The following CCDC116 variants were observed in gnomAD, a reference collection of about 807,000 sequenced individuals.
CCDC116 encodes coiled-coil domain-containing protein 116.
A neutral mutation model predicts 29.4 loss-of-function variants in CCDC116; 24 were observed. The observed-to-expected ratio is 0.82, with a 90% CI of 0.59 to 1.15. The LOEUF is 1.15. Ranked by LOEUF, CCDC116 falls within the 50% of genes most tolerant of loss-of-function variation. The probability of loss-of-function intolerance (pLI) is 0.00; values close to 1 mark genes in which losing one functional copy is unlikely to be tolerated. For synonymous variants in CCDC116, 298 were observed against 331.4 expected (o/e 0.90, Z 1.10); for missense variants, 791 against 804.0 (o/e 0.98, Z 0.20).
Position 21,636,765 on chromosome 22 carries a change from C to A in CCDC116, c.1537C>A (p.Arg513=). 1 of 1,612,754 alleles carries A rather than the reference C, an allele frequency of 6.2e-7. No homozygotes were observed. Among genetic ancestry groups the A allele is most frequent in the South Asian group, 1.1e-5 (1 of 91,076 alleles). The change falls in exon 5 of 5, where the codon CGG becomes AGG. Residue 513 remains arginine, a synonymous_variant. Transcript: ENST00000292779. ...GTCCAAAAGGGCCCGGCAGGCCTCC[C>A]GGCTCAGCACCTCCCACTGCAGCAC... ...EESKRARQAS[R]LSTSHCSTET...
rs1568997730 is a variant in CCDC116 at position 21,634,570 on chromosome 22, G to A, written c.621G>A (p.Gly207=). ...GGCTGCTACAGCTGGAGAGGGAAGG[G>A]GTGAGAGCCAGGGCCATGGCTGGGT... is the stretch of plus-strand genomic sequence containing the variant. ...LKRLLQLERE[G]KGLSQSCSQR... is the part of the protein sequence containing the mutation. The change falls in exon 3 of 5, where the codon GGG becomes GGA. Residue 207 remains glycine (G), a splice_region_variant and synonymous_variant. Coordinates refer to ENST00000292779, the MANE Select transcript of CCDC116 (RefSeq NM_152612.3). 6.3e-7 allele frequency: 1 copy of A among 1,595,580 alleles called. No individual in the cohort carries two copies. Among genetic ancestry groups the A allele is most frequent in the Admixed American group, 1.7e-5 (1 of 59,006 alleles).
In CCDC116 at chr22:21,634,707, C is replaced by T; in HGVS notation, c.644C>T (p.Ser215Phe). 1 of 1,609,294 alleles carries T rather than the reference C, an allele frequency of 6.2e-7. No homozygotes were observed. Among genetic ancestry groups the T allele is most frequent in the East Asian group, 2.2e-5 (1 of 44,784 alleles). ...REGKGLSQSC[S>F]QRDSLLWDSL... ...CAGAAAGGCCTCAGTCAGTCCTGCTCCCAGAGGGACTCCCTGCTGTGGGAT... is the reference window on the plus strand; with the variant it reads ...CAGAAAGGCCTCAGTCAGTCCTGCTTCCAGAGGGACTCCCTGCTGTGGGAT... The change falls in exon 4 of 5, where the codon TCC becomes TTC. Residue 215 changes from serine (S) to phenylalanine (F), a missense_variant. Coordinates refer to ENST00000292779, the MANE Select transcript of CCDC116 (RefSeq NM_152612.3).
intron 1 of CCDC116, 61 bp from the exon 2 acceptor site, chr22:21,633,059 C>T: frequency 1.3e-6 from 1 of 796,454 alleles, no homozygotes; most frequent in Admixed American, 2.0e-5. Context: ...CCCGCAGACT[C>T]CAGGGCCACA....
Position 21,636,992 on chromosome 22 carries a change from A to T in CCDC116, c.1764A>T (p.Lys588Asn), listed in dbSNP as rs368046807. The change falls in exon 5 of 5, where the codon AAA (lysine) becomes AAT (asparagine). Residue 588 changes from lysine to asparagine, a missense_variant. By Grantham distance (94) the Lys-to-Asn change is moderately conservative. Transcript: ENST00000292779. ...ACATGGACAATGAGGGCCGTGATAA[A>T]GCCGAGATTGAAGATGAAGATGAGG... is the stretch of plus-strand genomic sequence containing the variant. ...SKDMDNEGRD[K>N]AEIEDEDEDE... 26 of 1,613,686 alleles carry T rather than the reference A, an allele frequency of 1.6e-5. No individual in the cohort carries two copies. Among genetic ancestry groups the T allele is most frequent in the Non-Finnish European group, 2.2e-5 (26 of 1,180,042 alleles).
chr22:21,635,527 T>C (rs1413361870), intron 4 of CCDC116: 4 of 703,022 alleles, frequency 5.7e-6, no homozygotes, highest in Admixed American at 2.0e-5. Flanking sequence ...ACCTTCTCCC[T>C]GAGCTCTCTC....
chr22:21,633,374 A>T (rs1930634166), intron 2 of CCDC116, 121 bp downstream of exon 2: 1 of 741,568 alleles, frequency 1.3e-6, no homozygotes, highest in Admixed American at 2.7e-5. Context: ...CCTCTTAGTG[A>T]AGTCCTTATT....
chr22:21,637,096 C>A lies in CCDC116; in HGVS notation c.*26C>A, dbSNP rs370189885. The stretch of plus-strand genomic sequence containing the variant: ...AGCCTCCCAGAGCCTGGAGAGGAGG[C>A]CTCGGTCAGCCACTCCGTGGACGTG... On this transcript the variant is annotated 3_prime_UTR_variant, in exon 5 of 5. Transcript: ENST00000292779. The A allele has an allele frequency of 6.4e-7, 1 of 1,565,304 alleles. No homozygotes were observed. The highest frequency in any genetic ancestry group is 2.3e-5 in the East Asian group (1 of 42,894).
chr22:21,636,952 C>G lies in CCDC116; in HGVS notation c.1724C>G (p.Pro575Arg), dbSNP rs925794180. 2 of 1,613,718 alleles carry G rather than the reference C, an allele frequency of 1.2e-6. No individual in the cohort carries two copies. Among genetic ancestry groups the G allele is most frequent in the Non-Finnish European group, 1.7e-6 (2 of 1,180,056 alleles). ...GCCTGCACCGGCATGGGTTCCAGTC[C>G]CCCCAAGTCCAAGGACATGGACAAT... ...MSACTGMGSSPPKSKDMDNEG... is the reference protein window; with the variant it reads ...MSACTGMGSSRPKSKDMDNEG... The change falls in exon 5 of 5, where the codon CCC (proline) becomes CGC (arginine). Residue 575 changes from proline to arginine, a missense_variant. By Grantham distance (103) the Pro-to-Arg change is moderately radical (BLOSUM62 -2). Coordinates refer to ENST00000292779, the MANE Select transcript of CCDC116 (RefSeq NM_152612.3).
At chr22:21,635,382 G>C in intron 4 of CCDC116, 116 bp downstream of exon 4, 1 of 968,644 alleles carries the variant, frequency 1.0e-6, no homozygotes. Context: ...TCCAGCCAGA[G>C]GGCCCAGCCC....
Position 21,632,786 on chromosome 22 carries a change from C to A in CCDC116, c.-104C>A. 2.7e-6 allele frequency: 1 copy of A among 365,802 alleles called. No homozygotes were observed. The allele number at this position is 365,802 out of a possible 1,614,324, so 22.7% of individuals were successfully genotyped here. On this transcript the variant is annotated 5_prime_UTR_variant, in exon 1 of 5. Coordinates refer to ENST00000292779, the MANE Select transcript of CCDC116 (RefSeq NM_152612.3). ...CACTGTGCAGCTGCTCCAGTGAGGG[C>A]GCAGACTGTACTGGCCTGTGCGGAG... is the stretch of plus-strand genomic sequence containing the variant.
chr22:21,633,463 C>T (rs1051654032), intron 2 of CCDC116, among the ~76,000 whole-genome samples: 5 of 152,170 alleles, frequency 3.3e-5, no homozygotes, highest in African/African-American at 9.7e-5. Context: ...TGACTTCCAG[C>T]GACCCAGAAG....
chr22:21,636,527 G>A lies in CCDC116; in HGVS notation c.1299G>A (p.Glu433=), dbSNP rs1184255356. 6.2e-7 allele frequency: 1 copy of A among 1,613,922 alleles called. No individual in the cohort carries two copies. The highest frequency in any genetic ancestry group is 8.5e-7 in the Non-Finnish European group (1 of 1,180,014). The change falls in exon 5 of 5, where the codon GAG becomes GAA. Residue 433 remains glutamate, a synonymous_variant. Coordinates refer to ENST00000292779, the MANE Select transcript of CCDC116 (RefSeq NM_152612.3). Reference sequence around the variant, plus strand: ...CTCACTTCTCCAACCGCCTTTATGAGGAGCTCGCCGACTTCCTGACCCAGC... The same window carrying A: ...CTCACTTCTCCAACCGCCTTTATGAAGAGCTCGCCGACTTCCTGACCCAGC... ...SMSHFSNRLY[E]ELADFLTQQA...
Position 21,634,226 on chromosome 22 carries a change from G to A in CCDC116, c.277G>A (p.Ala93Thr), listed in dbSNP as rs1328392080. 1 of 1,614,118 alleles carries A rather than the reference G, an allele frequency of 6.2e-7. No individual in the cohort carries two copies. Among genetic ancestry groups the A allele is most frequent in the Non-Finnish European group, 8.5e-7 (1 of 1,180,050 alleles). The part of the protein sequence containing the change: ...LDSLETVVEK[A>T]TERMAAMKTE... ...CAGCCTGGAGACAGTGGTGGAGAAG[G>A]CGACTGAGCGCATGGCTGCCATGAA... is the stretch of plus-strand genomic sequence containing the variant. The change falls in exon 3 of 5, where the codon GCG (alanine) becomes ACG (threonine). Residue 93 changes from alanine to threonine, a missense_variant. Transcript: ENST00000292779.
chr22:21,635,729 G>A, intron 4 of CCDC116: 1 of 610,140 alleles, frequency 1.6e-6, no homozygotes. Flanking sequence ...CAAGCTGATG[G>A]GGGCCCATGA....
intron 4 of CCDC116, chr22:21,635,882 C>A: frequency 4.1e-6 from 2 of 486,314 alleles, no homozygotes; most frequent in Non-Finnish European, 7.3e-6. Context: ...GGACAGCAGC[C>A]CAAGCCCAGC....
In CCDC116 at chr22:21,634,482, T is replaced by C. The variant is rs1266079990; in HGVS notation, c.533T>C (p.Leu178Pro). The stretch of plus-strand genomic sequence containing the variant: ...GGCTCCCACAGCCGGGACAGTGACC[T>C]AGGTGCCCAAGGCTCATTGCCACCT... Reference protein sequence around the residue: ...CLGSHSRDSDLGAQGSLPPVR... With the variant: ...CLGSHSRDSDPGAQGSLPPVR... Residue 178 changes from leucine (L) to proline (P), a missense_variant, in exon 3 of 5, where the codon CTA becomes CCA. Physicochemically the swap from Leu to Pro is moderately conservative, Grantham distance 98. Coordinates refer to ENST00000292779, the MANE Select transcript of CCDC116 (RefSeq NM_152612.3). The C allele has an allele frequency of 3.1e-6, 5 of 1,614,016 alleles. No homozygotes were observed. Among genetic ancestry groups the C allele is most frequent in the Non-Finnish European group, 4.2e-6 (5 of 1,180,022 alleles).
Position 21,636,808 on chromosome 22 carries a change from A to C in CCDC116, c.1580A>C (p.Gln527Pro). Reference protein sequence around the residue: ...SHCSTETPSVQQEPATHTAQD... With the variant: ...SHCSTETPSVPQEPATHTAQD... ...TGCAGCACAGAGACACCCTCTGTGC[A>C]GCAGGAACCAGCCACCCACACTGCC... Residue 527 changes from glutamine to proline, a missense_variant, in exon 5 of 5, where the codon CAG becomes CCG. Gln to Pro is a moderately conservative substitution (Grantham distance 76, BLOSUM62 -1). Transcript: ENST00000292779. 6.2e-7 allele frequency: 1 copy of C among 1,613,042 alleles called. No homozygotes were observed. The highest frequency in any genetic ancestry group is 8.5e-7 in the Non-Finnish European group (1 of 1,179,962).
At position 21,635,018 on chromosome 22, in the gene CCDC116, C is replaced by G; in HGVS notation, c.955C>G (p.Gln319Glu). ...LFPALQSVVS[Q>E]AVDKLRGAHC... ...CCCTGCCCTGCAAAGCGTGGTCAGCCAGGCTGTGGATAAGCTCCGTGGCGC... is the reference window on the plus strand; with the variant it reads ...CCCTGCCCTGCAAAGCGTGGTCAGCGAGGCTGTGGATAAGCTCCGTGGCGC... Residue 319 changes from glutamine (Q) to glutamate (E), a missense_variant, in exon 4 of 5, where the codon CAG (glutamine) becomes GAG (glutamate). Gln to Glu is a conservative substitution (Grantham distance 29, BLOSUM62 2). Coordinates refer to ENST00000292779, the MANE Select transcript of CCDC116 (RefSeq NM_152612.3). 1 of 1,611,026 alleles carries G rather than the reference C, an allele frequency of 6.2e-7. No individual in the cohort carries two copies. The highest frequency in any genetic ancestry group is 8.5e-7 in the Non-Finnish European group (1 of 1,180,012).
chr22:21,632,960 T>A (rs946782053), intron 1 of CCDC116, 133 bp downstream of exon 1: 2 of 696,350 alleles, frequency 2.9e-6, no homozygotes, highest in Non-Finnish European at 5.4e-6. Flanking sequence ...CCGATGACTC[T>A]GGAAACTGCC....
Sources: allele counts gnomAD v4.1 joint callset (sites outside exome capture counted in the v4.1 genomes callset), GRCh38; gene constraint gnomAD v4.1.1; transcripts MANE v1.5; gene names NCBI Gene and HGNC (gene_info 2026-07-23, HGNC 2026-07-21).